The following CTNNA3 variants were observed in gnomAD, a reference collection of about 807,000 sequenced individuals.
CTNNA3 encodes the protein catenin alpha 3, also known as catenin alpha-3.
In CTNNA3, 76 loss-of-function variants were observed where a neutral mutation model predicts 95.7. That is an observed-to-expected ratio of 0.79 (90% CI 0.66 to 0.96). The LOEUF is 0.96. Among genes scored for constraint, CTNNA3 ranks in the 40% least tolerant of loss-of-function variants. The pLI, the probability that CTNNA3 is intolerant of heterozygous loss-of-function variation, is 0.00. For missense variants in CTNNA3, 1,191 were observed against 1,089.8 expected (o/e 1.09, Z -1.31); for synonymous variants, 431 against 374.4 (o/e 1.15, Z -1.74).
chr10:67,499,575 G>C (rs888696527), intron 5 of CTNNA3, among the ~76,000 whole-genome samples: 7 of 152,106 alleles, frequency 4.6e-5, no homozygotes, highest in Non-Finnish European at 8.8e-5. Context: ...GCTTTTTTTG[G>C]TTGGTAGGCT....
chr10:66,136,539 C>G (rs1283603365), intron 13 of CTNNA3, among the ~76,000 whole-genome samples: 1 of 151,818 alleles, frequency 6.6e-6, no homozygotes, highest in African/African-American at 2.4e-5. Flanking sequence ...ATACACACAG[C>G]AAAATATAAG....
At chr10:66,560,729 T>A (rs1399297081) in intron 10 of CTNNA3, among the ~76,000 whole-genome samples, 2 of 152,026 alleles carry the variant, frequency 1.3e-5, no homozygotes, top group East Asian at 3.9e-4. Flanking sequence ...TGAAGTCTAA[T>A]CCCTAATGTG....
At chr10:66,869,464 T>C (rs1844310343) in intron 7 of CTNNA3, among the ~76,000 whole-genome samples, 1 of 151,970 alleles carries the variant, frequency 6.6e-6, no homozygotes, top group Admixed American at 6.6e-5. Context: ...TCCCAGCTAC[T>C]CAGGAGGCTG....
intron 1 of CTNNA3, among the ~76,000 whole-genome samples, chr10:67,740,883 A>C (rs1255703061): frequency 6.6e-6 from 1 of 151,398 alleles, no homozygotes; most frequent in African/African-American, 2.4e-5. Context: ...AGCACTATTC[A>C]CAATAGCAAA....
chr10:67,667,832 A>T (rs886364129), intron 1 of CTNNA3, among the ~76,000 whole-genome samples: 14 of 152,252 alleles, frequency 9.2e-5, no homozygotes, highest in African/African-American at 3.1e-4. Flanking sequence ...TTATATCTTC[A>T]ATTTTCTAAA....
intron 9 of CTNNA3, 151 bp downstream of exon 9, chr10:66,766,113 G>A (rs1349411470): frequency 3.0e-6 from 2 of 656,276 alleles, no homozygotes; most frequent in African/African-American, 3.6e-5. Flanking sequence ...TATACAATCG[G>A]ACATATACAC....
intron 7 of CTNNA3, among the ~76,000 whole-genome samples, chr10:66,826,558 A>C (rs1842523282): frequency 6.6e-6 from 1 of 152,210 alleles, no homozygotes. Context: ...AAGATAATAG[A>C]GATTTGTGTT....
chr10:67,634,622 AT>A (rs1176235644), intron 2 of CTNNA3, among the ~76,000 whole-genome samples: 1 of 152,216 alleles, frequency 6.6e-6, no homozygotes, highest in Non-Finnish European at 1.5e-5. Context: ...AAATAAAGGG[AT>A]GGAGGAAAAT....
At chr10:66,454,833 G>A (rs2131832977) in intron 11 of CTNNA3, among the ~76,000 whole-genome samples, 1 of 132,406 alleles carries the variant, frequency 7.6e-6, no homozygotes, top group East Asian at 2.6e-4. Context: ...GGAGGGGGAG[G>A]AGGGGAAGAA....
chr10:66,669,911 C>A (rs968857848), intron 9 of CTNNA3, among the ~76,000 whole-genome samples: 1 of 151,820 alleles, frequency 6.6e-6, no homozygotes, highest in Non-Finnish European at 1.5e-5. Flanking sequence ...CACAGTGAGG[C>A]AGTGAGGGTG....
intron 13 of CTNNA3, among the ~76,000 whole-genome samples, chr10:66,127,687 T>C (rs2082889972): frequency 1.3e-5 from 2 of 152,158 alleles, no homozygotes; most frequent in Non-Finnish European, 2.9e-5. Context: ...AACTTAATAT[T>C]ACAATGTGCA....
intron 13 of CTNNA3, among the ~76,000 whole-genome samples, chr10:66,178,482 C>T (rs2085860834): frequency 6.5e-4 from 1 of 1,540 alleles, no homozygotes; most frequent in African/African-American, 2.2e-3. Context: ...CATACACAGA[C>T]ACACACACAC....
At chr10:66,182,166 T>C (rs1016990630) in intron 13 of CTNNA3, among the ~76,000 whole-genome samples, 1 of 152,300 alleles carries the variant, frequency 6.6e-6, no homozygotes, top group East Asian at 1.9e-4. Context: ...GTAAATATAA[T>C]CTCTTACAAT....
At chr10:67,675,744 C>G (rs1398101038) in intron 1 of CTNNA3, among the ~76,000 whole-genome samples, 2 of 152,070 alleles carry the variant, frequency 1.3e-5, no homozygotes, top group Non-Finnish European at 2.9e-5. Context: ...ATATAGGGAG[C>G]AAGAGGATTG....
intron 15 of CTNNA3, among the ~76,000 whole-genome samples, chr10:66,016,328 C>T (rs1438251110): frequency 6.6e-6 from 1 of 152,168 alleles, no homozygotes; most frequent in African/African-American, 2.4e-5. Context: ...TGTGTTGTCA[C>T]AGTGGCTGTG....
intron 6 of CTNNA3, among the ~76,000 whole-genome samples, chr10:67,206,111 GT>G (rs1863887197): frequency 6.6e-6 from 1 of 152,184 alleles, no homozygotes; most frequent in Non-Finnish European, 1.5e-5. Context: ...GATATAAAAA[GT>G]TCCTTTGGAT....
chr10:67,419,676 G>T (rs1183982648), intron 5 of CTNNA3, among the ~76,000 whole-genome samples: 1 of 152,166 alleles, frequency 6.6e-6, no homozygotes, highest in Non-Finnish European at 1.5e-5. Flanking sequence ...CAGAAATTTA[G>T]AAACTAATGT....
chr10:67,761,765 C>T (rs1478333088), intron 1 of CTNNA3, among the ~76,000 whole-genome samples: 1 of 151,860 alleles, frequency 6.6e-6, no homozygotes, highest in Admixed American at 6.6e-5. Context: ...GTAGTCCCAG[C>T]TACTCGGGAG....
chr10:67,585,619 A>T (rs187614908), intron 3 of CTNNA3, among the ~76,000 whole-genome samples: 1 of 152,056 alleles, frequency 6.6e-6, no homozygotes, highest in Non-Finnish European at 1.5e-5. Flanking sequence ...GTGTGTGAGT[A>T]TATCAATATT....
Sources: allele counts gnomAD v4.1 joint callset (sites outside exome capture counted in the v4.1 genomes callset), GRCh38; gene constraint gnomAD v4.1.1; transcripts MANE v1.5; gene names NCBI Gene and HGNC (gene_info 2026-07-23, HGNC 2026-07-21).